Variants in RUNDC3B observed in about 807,000 individuals in gnomAD.
RUNDC3B encodes the protein RUN domain-containing protein 3B.
In RUNDC3B, 33 loss-of-function variants were observed where a neutral mutation model predicts 58.4. The observed-to-expected ratio is 0.56, with a 90% CI of 0.43 to 0.75. The LOEUF is 0.75. Ranked by LOEUF, RUNDC3B falls within the 30% of genes least tolerant of loss-of-function variation. The probability of loss-of-function intolerance (pLI) is 0.00; values close to 1 mark genes in which losing one functional copy is unlikely to be tolerated. For synonymous variants in RUNDC3B, 193 were observed against 195.2 expected (o/e 0.99, Z 0.10); for missense variants, 501 against 535.7 (o/e 0.94, Z 0.64).
intron 1 of RUNDC3B, chr7:87,629,228 T>C (rs181778765): frequency 1.2e-4 from 39 of 335,238 alleles, no homozygotes; most frequent in African/African-American, 7.8e-4. Flanking sequence ...CAATCTAGCG[T>C]CAGAGTGAAA....
At position 87,749,745 on chromosome 7, in the gene RUNDC3B, G is replaced by A. The variant is rs146608531; in HGVS notation, c.629+8166G>A. On this transcript the variant is annotated intron_variant, in intron 6 of 10. Transcript: ENST00000394654. ...AAATTATAAAATAAATAAAGATAGC[G>A]GAAAGTTTAAGTCGCTCCTTATCTT... Among the ~76,000 whole-genome samples the A allele has an allele frequency of 9.3e-3, 1,419 of 151,982 alleles. 5 individuals are homozygous for A. Among genetic ancestry groups the A allele is most frequent in the Middle Eastern group, 0.024 (7 of 294 alleles).
rs186668484 is a variant in RUNDC3B, at chr7:87,767,001, A to G, written c.630-3580A>G. The stretch of plus-strand genomic sequence containing the variant: ...GAAAAATCAATCTTCAAGCTCTGAA[A>G]TTCTTTCTTTTGCTTGGTCTTTTAT... On this transcript the variant is annotated intron_variant, in intron 6 of 10. Coordinates refer to ENST00000394654, the MANE Select transcript of RUNDC3B (RefSeq NM_001134405.2). 1.4e-4 allele frequency among the ~76,000 whole-genome samples: 22 copies of G among 152,114 alleles called. 1 individual carries two copies. In the East Asian group the frequency reaches 4.3e-3, roughly 29 times the overall value.
intron 8 of RUNDC3B, among the ~76,000 whole-genome samples, chr7:87,784,450 T>C (rs1378388416): frequency 2.6e-5 from 4 of 152,144 alleles, no homozygotes; most frequent in South Asian, 2.1e-4. Flanking sequence ...TGTGTATAGT[T>C]GGTTGGCTTT....
intron 9 of RUNDC3B, among the ~76,000 whole-genome samples, chr7:87,811,995 G>T (rs1836744434): frequency 1.3e-5 from 2 of 152,138 alleles, no homozygotes; most frequent in South Asian, 4.1e-4. Flanking sequence ...TTTGGATAAT[G>T]CTCATCTCCT....
chr7:87,729,046 A>G (rs1831421686), intron 4 of RUNDC3B, among the ~76,000 whole-genome samples: 1 of 151,932 alleles, frequency 6.6e-6, no homozygotes, highest in Non-Finnish European at 1.5e-5. Context: ...TCCTTTTTAA[A>G]AATCTGTCTA....
rs1366704842 is a variant in RUNDC3B at position 87,628,728 on chromosome 7, C to A, written c.-96C>A. 6 of 725,030 alleles carry A rather than the reference C, an allele frequency of 8.3e-6. No homozygotes were observed. Among genetic ancestry groups the A allele is most frequent in the Non-Finnish European group, 1.2e-5 (6 of 517,672 alleles). 44.9% of individuals were successfully genotyped at this position (725,030 alleles called of 1,614,324 possible). On this transcript the variant is annotated 5_prime_UTR_variant, in exon 1 of 11. Coordinates refer to ENST00000394654, the MANE Select transcript of RUNDC3B (RefSeq NM_001134405.2). ...GCTCCTTTCCTACATCCTTCCCGCG[C>A]CCCCACGGTTGCGGACCGAGCGAGA...
intron 10 of RUNDC3B, among the ~76,000 whole-genome samples, chr7:87,822,698 C>T (rs1267069167): frequency 6.6e-6 from 1 of 152,176 alleles, no homozygotes. Context: ...CCATGGAATA[C>T]TATGCAGCCA....
rs1366244884 is a variant in RUNDC3B at position 87,770,605 on chromosome 7, G to A, written c.654G>A (p.Glu218=). Residue 218 remains glutamate, a synonymous_variant, in exon 7 of 11, where the codon GAG becomes GAA. Transcript: ENST00000394654. Reference sequence around the variant, plus strand: ...GTTCTGATAGTATCAGCAGTGATGAGGAGGAGCTAAGGACTTTGGGAAGCA... The same window carrying A: ...GTTCTGATAGTATCAGCAGTGATGAAGAGGAGCTAAGGACTTTGGGAAGCA... ...IQSSDSISSD[E]EELRTLGSSG... The A allele has an allele frequency of 5.0e-6, 8 of 1,613,332 alleles. No homozygotes were observed. The highest frequency in any genetic ancestry group is 5.9e-6 in the Non-Finnish European group (7 of 1,179,652).
intron 2 of RUNDC3B, among the ~76,000 whole-genome samples, chr7:87,661,602 AT>A (rs1824723481): frequency 6.6e-6 from 1 of 151,830 alleles, no homozygotes; most frequent in African/African-American, 2.4e-5. Context: ...ATAGGATCTC[AT>A]TTTTTTATGG....
chr7:87,789,079 A>T (rs528258692), intron 8 of RUNDC3B, among the ~76,000 whole-genome samples: 3 of 152,336 alleles, frequency 2.0e-5, no homozygotes, highest in Admixed American at 1.3e-4. Context: ...ACAGACTGTC[A>T]GATAGATGAT....
intron 10 of RUNDC3B, among the ~76,000 whole-genome samples, chr7:87,821,480 G>C (rs982866040): frequency 6.6e-6 from 1 of 152,166 alleles, no homozygotes; most frequent in African/African-American, 2.4e-5. Context: ...GTAATTTACA[G>C]ATTCAATGCC....
At chr7:87,674,513 G>A (rs1826132284) in intron 2 of RUNDC3B, among the ~76,000 whole-genome samples, 1 of 152,130 alleles carries the variant, frequency 6.6e-6, no homozygotes, top group African/African-American at 2.4e-5. Flanking sequence ...TACCAGCATG[G>A]GATGGGAGAG....
intron 2 of RUNDC3B, among the ~76,000 whole-genome samples, chr7:87,695,577 A>T (rs1828427174): frequency 6.6e-6 from 1 of 152,104 alleles, no homozygotes; most frequent in Non-Finnish European, 1.5e-5. Context: ...AATAGTCTTT[A>T]ATATTGTCAA....
At chr7:87,825,365 G>A in intron 10 of RUNDC3B, among the ~76,000 whole-genome samples, 1 of 152,218 alleles carries the variant, frequency 6.6e-6, no homozygotes, top group Admixed American at 6.5e-5. Context: ...CTTCCACGTG[G>A]TGTTGAGCCT....
chr7:87,678,488 A>T (rs1054400862), intron 2 of RUNDC3B, among the ~76,000 whole-genome samples: 1 of 152,224 alleles, frequency 6.6e-6, no homozygotes, highest in Non-Finnish European at 1.5e-5. Flanking sequence ...AAAAGCCAAT[A>T]AATAAATTAA....
At chr7:87,819,129 C>G (rs1302902853) in intron 10 of RUNDC3B, among the ~76,000 whole-genome samples, 3 of 152,124 alleles carry the variant, frequency 2.0e-5, no homozygotes, top group African/African-American at 7.2e-5. Context: ...CTGCTGAGTC[C>G]TGTAAACAGT....
chr7:87,820,135 C>T lies in RUNDC3B; in HGVS notation c.1225+3873C>T, dbSNP rs148726316. On this transcript the variant is annotated intron_variant, in intron 10 of 10. Transcript: ENST00000394654. The stretch of plus-strand genomic sequence containing the variant: ...GAAAACATCAACAAAATCGTTAGAC[C>T]GCTAGCAAGAATAATAAAGAAGAAA... Among the ~76,000 whole-genome samples the T allele has an allele frequency of 6.4e-4, 98 of 151,982 alleles. 2 individuals carry two copies. The East Asian group carries it at 0.017, about 26-fold the overall frequency.
intron 10 of RUNDC3B, among the ~76,000 whole-genome samples, chr7:87,821,718 A>G (rs375185187): frequency 5.3e-4 from 81 of 152,092 alleles, no homozygotes; most frequent in Non-Finnish European, 2.6e-4. Context: ...ACAGAACAGA[A>G]CCCTCAGAAA....
intron 8 of RUNDC3B, among the ~76,000 whole-genome samples, chr7:87,788,018 T>G (rs1231061125): frequency 1.3e-5 from 2 of 152,206 alleles, no homozygotes; most frequent in Non-Finnish European, 2.9e-5. Flanking sequence ...CATATGTGTT[T>G]GCTTAACAGG....
Sources: allele counts gnomAD v4.1 joint callset (sites outside exome capture counted in the v4.1 genomes callset), GRCh38; gene constraint gnomAD v4.1.1; transcripts MANE v1.5; gene names NCBI Gene and HGNC (gene_info 2026-07-23, HGNC 2026-07-21).